The following TENM2 variants were observed in gnomAD, a reference collection of about 807,000 sequenced individuals.
TENM2 encodes teneurin transmembrane protein 2.
A neutral mutation model predicts 245.2 loss-of-function variants in TENM2; 52 were observed. The observed-to-expected ratio is 0.21, with a 90% CI of 0.17 to 0.27. The LOEUF is 0.27. TENM2 is among the 10% of genes least tolerant of loss of function. TENM2 has a pLI of 1.00. For missense variants in TENM2, 3,046 were observed against 3,666.8 expected (o/e 0.83, Z 4.37); for synonymous variants, 1,363 against 1,438.9 (o/e 0.95, Z 1.19).
chr5:167,692,087 C>A (rs1049668299), intron 2 of TENM2, among the ~76,000 whole-genome samples: 3 of 152,022 alleles, frequency 2.0e-5, no homozygotes, highest in Non-Finnish European at 4.4e-5. Context: ...CTTTGCCACC[C>A]CGGAATACCA....
chr5:167,274,070 A>G, the TENM2 span, among the ~76,000 whole-genome samples: 5 of 152,162 alleles, frequency 3.3e-5, no homozygotes, highest in Admixed American at 3.3e-4. Flanking sequence ...GAAGAGACTG[A>G]CACTGATACA....
intron 13 of TENM2, among the ~76,000 whole-genome samples, chr5:168,183,157 C>T (rs1052672277): frequency 5.3e-5 from 8 of 152,114 alleles, no homozygotes; most frequent in Non-Finnish European, 7.4e-5. Context: ...CTCTGCCACC[C>T]CTCACCCCCA....
the TENM2 span, among the ~76,000 whole-genome samples, chr5:167,186,818 G>T: frequency 5.1e-3 from 780 of 152,348 alleles, 5 homozygotes; most frequent in African/African-American, 0.017. Context: ...AGGAATTGCA[G>T]TTGGGAATAG....
intron 2 of TENM2, among the ~76,000 whole-genome samples, chr5:167,517,529 G>T: frequency 6.6e-6 from 1 of 152,170 alleles, no homozygotes; most frequent in Middle Eastern, 3.4e-3. Flanking sequence ...AGTTTTCAGC[G>T]CTAATAGAGG....
At chr5:167,638,047 T>TTATAAA (rs200808451) in intron 2 of TENM2, among the ~76,000 whole-genome samples, 2,237 of 150,578 alleles carry the variant, frequency 0.015, 21 homozygotes, top group East Asian at 0.038. Context: ...AAAGGCCAGA[T>TTATAAA]TATAAAGTTC....
At chr5:167,899,621 G>A (rs751333933) in intron 3 of TENM2, among the ~76,000 whole-genome samples, 3 of 152,130 alleles carry the variant, frequency 2.0e-5, no homozygotes, top group African/African-American at 4.8e-5. Flanking sequence ...TCCAGCTCCC[G>A]AGAGACACCT....
rs187806155 is a variant in TENM2 at position 168,062,747 on chromosome 5, T to C, written c.1515+482T>C. On this transcript the variant is annotated intron_variant, in intron 7 of 28. Coordinates refer to ENST00000518659, the Ensembl canonical transcript of TENM2. ...ACATGGATGAACTTTAAAAACACTATGCAAAGTGAAAGAAGCCAGATACCA... is the reference window on the plus strand; with the variant it reads ...ACATGGATGAACTTTAAAAACACTACGCAAAGTGAAAGAAGCCAGATACCA... Among the ~76,000 whole-genome samples the C allele has an allele frequency of 1.1e-3, 164 of 152,280 alleles. 1 individual carries two copies. Among genetic ancestry groups the C allele is most frequent in the African/African-American group, 3.7e-3 (154 of 41,544 alleles).
intron 2 of TENM2, among the ~76,000 whole-genome samples, chr5:167,494,573 G>T (rs1768670668): frequency 6.6e-6 from 1 of 152,020 alleles, no homozygotes; most frequent in Admixed American, 6.6e-5. Context: ...AATGCAAGAA[G>T]ATTAGTAGGA....
the TENM2 span, among the ~76,000 whole-genome samples, chr5:167,128,584 T>G: frequency 6.6e-6 from 1 of 152,070 alleles, no homozygotes; most frequent in Admixed American, 6.5e-5. Flanking sequence ...GTTCCCTCTT[T>G]CACCTGAAAA....
intron 1 of TENM2, among the ~76,000 whole-genome samples, chr5:167,339,255 T>C (rs2127808854): frequency 6.6e-6 from 1 of 152,298 alleles, no homozygotes; most frequent in Non-Finnish European, 1.5e-5. Flanking sequence ...AGTTATATGC[T>C]TTCAAAATAC....
chr5:168,088,535 C>A (rs1044250473), intron 7 of TENM2, among the ~76,000 whole-genome samples: 3 of 152,138 alleles, frequency 2.0e-5, no homozygotes, highest in Admixed American at 6.5e-5. Context: ...ACTGCTCGTC[C>A]GTAATCATTA....
intron 2 of TENM2, among the ~76,000 whole-genome samples, chr5:167,606,600 C>G (rs983169017): frequency 6.6e-6 from 1 of 152,072 alleles, no homozygotes; most frequent in Admixed American, 6.6e-5. Context: ...GCATTTAGTC[C>G]GTAATGCTAA....
chr5:168,120,024 G>A (rs1795360585), intron 10 of TENM2, among the ~76,000 whole-genome samples: 1 of 152,112 alleles, frequency 6.6e-6, no homozygotes, highest in Non-Finnish European at 1.5e-5. Context: ...AATCATCACA[G>A]CTCTCACCAC....
chr5:167,703,280 C>T (rs921808394), intron 2 of TENM2, among the ~76,000 whole-genome samples: 14 of 152,044 alleles, frequency 9.2e-5, no homozygotes, highest in Admixed American at 3.3e-4. Context: ...ACCTGTAATC[C>T]GAGAACTTTG....
At chr5:167,245,707 G>C in the TENM2 span, among the ~76,000 whole-genome samples, 303 of 152,154 alleles carry the variant, frequency 2.0e-3, 4 homozygotes, top group African/African-American at 6.8e-3. Flanking sequence ...ATAGAAGAAA[G>C]GATATTTCCT....
At chr5:167,074,673 A>G in the TENM2 span, among the ~76,000 whole-genome samples, 1 of 152,200 alleles carries the variant, frequency 6.6e-6, no homozygotes, top group African/African-American at 2.4e-5. Flanking sequence ...TTTTAAATCT[A>G]CCTGTCTACC....
At chr5:167,171,088 C>A in the TENM2 span, among the ~76,000 whole-genome samples, 1 of 152,148 alleles carries the variant, frequency 6.6e-6, no homozygotes, top group Non-Finnish European at 1.5e-5. Flanking sequence ...TGGCCCATGT[C>A]TTTAATGCAA....
the TENM2 span, among the ~76,000 whole-genome samples, chr5:167,101,206 C>G: frequency 6.6e-6 from 1 of 152,276 alleles, no homozygotes; most frequent in South Asian, 2.1e-4. Context: ...CAATTCCAAA[C>G]GTTTTTATGA....
the TENM2 span, among the ~76,000 whole-genome samples, chr5:167,013,702 G>A: frequency 5.9e-5 from 9 of 152,058 alleles, no homozygotes; most frequent in Admixed American, 1.3e-4. Context: ...GCGAGACTCC[G>A]TCTCAAAAAT....
Sources: gnomAD v4.1 joint callset for allele counts (sites outside exome capture counted in the v4.1 genomes callset) on GRCh38, gnomAD v4.1.1 for gene constraint, MANE v1.5 for transcripts, NCBI Gene and HGNC (gene_info 2026-07-23, HGNC 2026-07-21) for gene names.